Variants in FGF3 observed in about 807,000 individuals in gnomAD.
FGF3 encodes fibroblast growth factor 3.
A neutral mutation model predicts 9.8 loss-of-function variants in FGF3; 7 were observed. The ratio of observed to expected loss-of-function variants is 0.72; its 90% confidence interval spans 0.41 to 1.35. FGF3 has a LOEUF of 1.35. Ranked by LOEUF, FGF3 falls within the 40% of genes most tolerant of loss-of-function variation. FGF3 has a pLI of 0.01. For missense variants in FGF3, 390 were observed against 345.6 expected, an observed-to-expected ratio of 1.13 and a Z score of -1.02; for synonymous variants, 173 against 157.2, an observed-to-expected ratio of 1.10 and a Z score of -0.75.
At position 69,810,206 on chromosome 11, in the gene FGF3, G is replaced by A; in HGVS notation, c.*99C>T. The A allele has an allele frequency of 2.6e-6, 3 of 1,174,292 alleles. No individual in the cohort carries two copies. Among genetic ancestry groups the A allele is most frequent in the South Asian group, 1.6e-5 (1 of 62,962 alleles). 72.7% of individuals were successfully genotyped at this position (1,174,292 alleles called of 1,614,324 possible). On this transcript the variant is annotated 3_prime_UTR_variant, in exon 3 of 3. Transcript: ENST00000334134. ...TCTGGAAATAGCTGAGAACCCAGACGCGGGACGCAGGGGCAAGGGCTCAAG... is the reference window on the plus strand; with the variant it reads ...TCTGGAAATAGCTGAGAACCCAGACACGGGACGCAGGGGCAAGGGCTCAAG...
chr11:69,811,189 TG>T (rs1369307568), intron 2 of FGF3, among the ~76,000 whole-genome samples: 1 of 152,288 alleles, frequency 6.6e-6, no homozygotes, highest in Middle Eastern at 3.4e-3. Context: ...GGCTCATGCC[TG>T]TAATCCCAGC....
At position 69,819,065 on chromosome 11, in the gene FGF3, G is replaced by C. The variant is rs1237045840; in HGVS notation, c.-132C>G. The C allele has an allele frequency of 2.0e-6, 1 of 506,408 alleles. No individual in the cohort carries two copies. Among genetic ancestry groups the C allele is most frequent in the African/African-American group, 2.0e-5 (1 of 49,276 alleles). 31.4% of individuals were successfully genotyped at this position (506,408 alleles called of 1,614,324 possible). A position where few individuals can be genotyped will look rare whatever the true frequency, so the allele number is the denominator to read the frequency against. Reference sequence around the variant, plus strand: ...GCCTGGAGATGCTGACTCCGGCTTCGCGGGAAAGGTGGGGGAAGAAGGGGG... The same window carrying C: ...GCCTGGAGATGCTGACTCCGGCTTCCCGGGAAAGGTGGGGGAAGAAGGGGG... On this transcript the variant is annotated 5_prime_UTR_variant, in exon 1 of 3. Transcript: ENST00000334134.
chr11:69,813,588 ATGGGTGGG>A lies in FGF3; in HGVS notation c.324+2724_324+2731del, dbSNP rs1413338286. ...GATGGGTGGATGGATGGATGGATAGATGGGTGGGTGGATGGATGGATGGATGGGTGGAT... is the reference window on the plus strand; with the variant it reads ...GATGGGTGGATGGATGGATGGATAGATGGATGGATGGATGGATGGGTGGAT... On this transcript the variant is annotated intron_variant, in intron 2 of 2. Transcript: ENST00000334134. 7.8e-3 allele frequency among the ~76,000 whole-genome samples: 563 copies of A among 72,632 alleles called. 15 individuals are homozygous for A. Among genetic ancestry groups the A allele is most frequent in the Middle Eastern group, 0.017 (3 of 176 alleles). 47.6% of individuals were successfully genotyped at this position (72,632 alleles called of 152,430 possible).
intron 1 of FGF3, among the ~76,000 whole-genome samples, chr11:69,818,407 G>A (rs977051873): frequency 5.3e-5 from 8 of 152,140 alleles, no homozygotes; most frequent in African/African-American, 1.7e-4. Flanking sequence ...GGCCGGACCG[G>A]GGACGGACTC....
Position 69,810,449 on chromosome 11 carries a change from C to A in FGF3, c.576G>T (p.Arg192=). 2 of 1,598,300 alleles carry A rather than the reference C, an allele frequency of 1.3e-6. No individual in the cohort carries two copies. Among genetic ancestry groups the A allele is most frequent in the Non-Finnish European group, 1.7e-6 (2 of 1,172,598 alleles). The change falls in exon 3 of 3, where the codon CGG becomes CGT. Residue 192 remains arginine (R), a synonymous_variant. Transcript: ENST00000334134. Reference sequence around the variant, plus strand: ...GTCTGGGCAGCCCACTCTGTAGCTGCCGCACCATCTCGTGGTCCCTGTGGT... The same window carrying A: ...GTCTGGGCAGCCCACTCTGTAGCTGACGCACCATCTCGTGGTCCCTGTGGT... ...VLDHRDHEMV[R]QLQSGLPRPP...
At chr11:69,813,348 AT>A in intron 2 of FGF3, among the ~76,000 whole-genome samples, 1 of 152,270 alleles carries the variant, frequency 6.6e-6, no homozygotes, top group East Asian at 1.9e-4. Context: ...CTGGGAGCAG[AT>A]GGCACCTGGG....
rs1188817570 is a variant in FGF3, at chr11:69,818,757, G to T, written c.177C>A (p.His59Gln). 2 of 1,495,440 alleles carry T rather than the reference G, an allele frequency of 1.3e-6. No homozygotes were observed. The highest frequency in any genetic ancestry group is 1.8e-6 in the Non-Finnish European group (2 of 1,129,064). 92.6% of individuals were successfully genotyped at this position (1,495,440 alleles called of 1,614,324 possible). The change falls in exon 1 of 3, where the codon CAC (histidine) becomes CAA (glutamine). Residue 59 changes from histidine to glutamine, a missense_variant. Coordinates refer to ENST00000334134, the MANE Select transcript of FGF3 (RefSeq NM_005247.4). ...GGCTGCCGTTGACGCGGCCGCTCGG[G>T]TGCAGCTGGAGGTGGTACTTCGTGG... ...YCATKYHLQL[H>Q]PSGRVNGSLE...
In FGF3 at chr11:69,810,359, G is replaced by A. The variant is rs782218095; in HGVS notation, c.666C>T (p.Pro222=). 23 of 1,566,432 alleles carry A rather than the reference G, an allele frequency of 1.5e-5. No individual in the cohort carries two copies. The South Asian group carries it at 2.3e-4, about 16-fold the overall frequency. Residue 222 remains proline, a synonymous_variant, in exon 3 of 3, where the codon CCC becomes CCT. Coordinates refer to ENST00000334134, the MANE Select transcript of FGF3 (RefSeq NM_005247.4). ...CCAGTCTCGAAGCCTGAACGTGAGAGGGCTCCAGGTTATCCGGGCTCTGCT... is the reference window on the plus strand; with the variant it reads ...CCAGTCTCGAAGCCTGAACGTGAGAAGGCTCCAGGTTATCCGGGCTCTGCT... ...RQKQSPDNLE[P]SHVQASRLGS... is the part of the protein sequence containing the mutation.
Position 69,819,377 on chromosome 11 carries a change from C to A in FGF3, c.-444G>T, listed in dbSNP as rs1053749343. On this transcript the variant is annotated 5_prime_UTR_variant, in exon 1 of 3. Transcript: ENST00000334134. ...ACCGCCGTCGAGCCGCGGCTCCGCT[C>A]CGCAGCGCGCCCCACGCCCCCGAAA... 9.9e-5 allele frequency among the ~76,000 whole-genome samples: 15 copies of A among 151,818 alleles called. No homozygotes were observed. The highest frequency in any genetic ancestry group is 2.2e-4 in the Non-Finnish European group (15 of 67,902).
At chr11:69,816,243 T>A in intron 2 of FGF3, 77 bp downstream of exon 2, 1 of 1,140,530 alleles carries the variant, frequency 8.8e-7, no homozygotes, top group Admixed American at 1.7e-5. Flanking sequence ...ACTGCCCACA[T>A]CCCCCGTCCC....
chr11:69,816,360 C>T lies in FGF3; in HGVS notation c.284G>A (p.Arg95Gln), dbSNP rs558206333. 1.7e-5 allele frequency: 28 copies of T among 1,614,086 alleles called. No individual in the cohort carries two copies. Among genetic ancestry groups the T allele is most frequent in the Admixed American group, 3.3e-5 (2 of 60,028 alleles). ...TCCCCTCTTGTTCATGGCCAGGTAC[C>T]GCCCGGAGAAGAGACCCCTGATGGC... ...IVAIRGLFSG[R>Q]YLAMNKRGRL... Residue 95 changes from arginine (R) to glutamine (Q), a missense_variant, in exon 2 of 3, where the codon CGG becomes CAG. Coordinates refer to ENST00000334134, the MANE Select transcript of FGF3 (RefSeq NM_005247.4).
At chr11:69,817,842 G>A (rs1464785115) in intron 1 of FGF3, among the ~76,000 whole-genome samples, 7 of 152,222 alleles carry the variant, frequency 4.6e-5, no homozygotes, top group Admixed American at 4.6e-4. Flanking sequence ...GCTCCTCAAA[G>A]GGCTCGGCGC....
Position 69,810,410 on chromosome 11 carries a change from C to T in FGF3, c.615G>A (p.Gly205=). Residue 205 remains glycine, a synonymous_variant, in exon 3 of 3, where the codon GGG becomes GGA. Coordinates refer to ENST00000334134, the MANE Select transcript of FGF3 (RefSeq NM_005247.4). ...TCTGCCGCCGCCGTCGGGGCTGGACCCCCTTACCAGGGGGTCTGGGCAGCC... is the reference window on the plus strand; with the variant it reads ...TCTGCCGCCGCCGTCGGGGCTGGACTCCCTTACCAGGGGGTCTGGGCAGCC... ...QSGLPRPPGK[G]VQPRRRRQKQ... 1 of 1,571,394 alleles carries T rather than the reference C, an allele frequency of 6.4e-7. No homozygotes were observed. Among genetic ancestry groups the T allele is most frequent in the Non-Finnish European group, 8.7e-7 (1 of 1,154,918 alleles).
At chr11:69,813,940 ATGGGT>A (rs1856084867) in intron 2 of FGF3, among the ~76,000 whole-genome samples, 1 of 148,948 alleles carries the variant, frequency 6.7e-6, no homozygotes, top group African/African-American at 2.5e-5. Flanking sequence ...GGATGGGTTG[ATGGGT>A]GGATGGGTGG....
chr11:69,819,014 G>C lies in FGF3; in HGVS notation c.-81C>G. The C allele has an allele frequency of 1.1e-6, 1 of 944,124 alleles. No individual in the cohort carries two copies. The highest frequency in any genetic ancestry group is 1.5e-6 in the Non-Finnish European group (1 of 675,038). The allele number at this position is 944,124 out of a possible 1,614,324, so 58.5% of individuals were successfully genotyped here. On this transcript the variant is annotated 5_prime_UTR_variant, in exon 1 of 3. Transcript: ENST00000334134. ...TGGAAGGGGCGGCAGCCGGACAGCT[G>C]CGAGGTGCTCGGAGCGGGATCCCGC...
At chr11:69,810,740 C>G (rs782546507) in intron 2 of FGF3, 40 bp from the exon 3 acceptor site, 1 of 1,509,722 alleles carries the variant, frequency 6.6e-7, no homozygotes. Context: ...CCCGGGGAGA[C>G]TGTGGCAGCG....
chr11:69,816,651 C>A (rs547136851), intron 1 of FGF3, among the ~76,000 whole-genome samples: 2 of 152,200 alleles, frequency 1.3e-5, no homozygotes, highest in East Asian at 1.9e-4. Flanking sequence ...GGGAGGGTAA[C>A]AATGAAATTA....
Position 69,816,371 on chromosome 11 carries a change from G to C in FGF3, c.273C>G (p.Leu91=). Residue 91 remains leucine (L), a synonymous_variant, in exon 2 of 3, where the codon CTC becomes CTG. Coordinates refer to ENST00000334134, the MANE Select transcript of FGF3 (RefSeq NM_005247.4). ...VEVGIVAIRG[L]FSGRYLAMNK... ...TCATGGCCAGGTACCGCCCGGAGAA[G>C]AGACCCCTGATGGCCACAATGCCCA... The C allele has an allele frequency of 6.2e-7, 1 of 1,614,148 alleles. No homozygotes were observed. Among genetic ancestry groups the C allele is most frequent in the Non-Finnish European group, 8.5e-7 (1 of 1,180,024 alleles).
At chr11:69,817,960 G>A (rs1856164887) in intron 1 of FGF3, among the ~76,000 whole-genome samples, 1 of 152,232 alleles carries the variant, frequency 6.6e-6, no homozygotes, top group Non-Finnish European at 1.5e-5. Context: ...CGGAGTGTGT[G>A]TGTCTGCACC....
Sources: gnomAD v4.1 joint callset for allele counts (sites outside exome capture counted in the v4.1 genomes callset) on GRCh38, gnomAD v4.1.1 for gene constraint, MANE v1.5 for transcripts, NCBI Gene and HGNC (gene_info 2026-07-23, HGNC 2026-07-21) for gene names.